Variants in HDAC9 observed in about 807,000 individuals in gnomAD.
HDAC9 encodes MEF-2 interacting transcription repressor (MITR) protein.
In HDAC9, 41 loss-of-function variants were observed where a neutral mutation model predicts 139.4. The ratio of observed to expected loss-of-function variants is 0.29; its 90% CI spans 0.23 to 0.38. The LOEUF is 0.38. HDAC9 is among the 10% of genes least tolerant of loss of function. The pLI is 1.00. For missense variants in HDAC9, 1,147 were observed against 1,297.0 expected (o/e 0.88, Z 1.78); for synonymous variants, 517 against 476.2 (o/e 1.09, Z -1.12).
chr7:18,579,122 A>G (rs1826967587), intron 2 of HDAC9, among the ~76,000 whole-genome samples: 1 of 152,246 alleles, frequency 6.6e-6, no homozygotes, highest in Non-Finnish European at 1.5e-5. Context: ...ACATGTTATC[A>G]TCATGATACA....
At chr7:18,805,726 G>A (rs953475584) in intron 17 of HDAC9, among the ~76,000 whole-genome samples, 1 of 152,186 alleles carries the variant, frequency 6.6e-6, no homozygotes, top group African/African-American at 2.4e-5. Context: ...ACCTGAGAGT[G>A]TTCCCATTCA....
chr7:18,281,018 G>A (rs1351999085), intron 2 of HDAC9, among the ~76,000 whole-genome samples: 3 of 152,112 alleles, frequency 2.0e-5, no homozygotes, highest in Admixed American at 1.3e-4. Flanking sequence ...TCCATTCCAG[G>A]CCTCTGTTTT....
chr7:18,764,459 A>G (rs1584996686), intron 15 of HDAC9, among the ~76,000 whole-genome samples: 1 of 152,200 alleles, frequency 6.6e-6, no homozygotes, highest in East Asian at 1.9e-4. Flanking sequence ...AGTCAACTGT[A>G]TCAACACTTC....
At chr7:18,277,292 G>A (rs915992909) in intron 2 of HDAC9, among the ~76,000 whole-genome samples, 3 of 152,132 alleles carry the variant, frequency 2.0e-5, no homozygotes, top group Admixed American at 6.5e-5. Flanking sequence ...GAGGACACTG[G>A]CCAAGTGGTC....
intron 1 of HDAC9, among the ~76,000 whole-genome samples, chr7:18,135,109 T>A (rs1394792630): frequency 6.6e-6 from 1 of 152,078 alleles, no homozygotes; most frequent in Non-Finnish European, 1.5e-5. Context: ...TTACATCTAT[T>A]TTCTCCTTAA....
chr7:18,123,379 G>A (rs1264163821), intron 1 of HDAC9, among the ~76,000 whole-genome samples: 5 of 152,134 alleles, frequency 3.3e-5, no homozygotes. Context: ...GCATTCAAAA[G>A]TTCATTTGGA....
At chr7:18,132,891 C>CT (rs5882647) in intron 1 of HDAC9, among the ~76,000 whole-genome samples, 68,424 of 151,944 alleles carry the variant, frequency 0.45, 18,277 homozygotes, top group African/African-American at 0.75. Context: ...AATAAAGTGA[C>CT]TTATTTTTTA....
intron 1 of HDAC9, among the ~76,000 whole-genome samples, chr7:18,297,882 G>A (rs530887981): frequency 2.0e-5 from 3 of 152,250 alleles, no homozygotes; most frequent in Admixed American, 6.5e-5. Flanking sequence ...TTGCAAAAAT[G>A]TTCTATGCTT....
At chr7:18,156,366 C>T (rs539987561) in intron 1 of HDAC9, among the ~76,000 whole-genome samples, 1 of 152,300 alleles carries the variant, frequency 6.6e-6, no homozygotes, top group African/African-American at 2.4e-5. Flanking sequence ...CATGAAGGCA[C>T]CCATCCCACC....
chr7:18,564,411 A>G (rs1821615129), intron 2 of HDAC9, among the ~76,000 whole-genome samples: 1 of 152,164 alleles, frequency 6.6e-6, no homozygotes, highest in South Asian at 2.1e-4. Context: ...TATTTCTATT[A>G]AGCTTCCAAG....
At chr7:18,386,153 A>G (rs906495917) in intron 1 of HDAC9, among the ~76,000 whole-genome samples, 12 of 152,120 alleles carry the variant, frequency 7.9e-5, no homozygotes, top group African/African-American at 2.9e-4. Context: ...GCTCTCCCCG[A>G]TCCCCAACTC....
intron 13 of HDAC9, among the ~76,000 whole-genome samples, chr7:18,739,698 C>G (rs1787267276): frequency 6.6e-6 from 1 of 152,208 alleles, no homozygotes; most frequent in South Asian, 2.1e-4. Context: ...TGGGAGATGT[C>G]TCCCAGTTTG....
chr7:18,623,957 A>G (rs1381920858), intron 6 of HDAC9, among the ~76,000 whole-genome samples: 1 of 152,086 alleles, frequency 6.6e-6, no homozygotes, highest in Non-Finnish European at 1.5e-5. Flanking sequence ...TAAAAAAAGC[A>G]TTGGGATGAG....
intron 2 of HDAC9, among the ~76,000 whole-genome samples, chr7:18,511,246 G>T (rs564189213): frequency 1.3e-5 from 2 of 152,120 alleles, no homozygotes; most frequent in African/African-American, 4.8e-5. Flanking sequence ...ACTGATACCC[G>T]TAGTACCCCT....
At chr7:18,371,287 G>C (rs568380432) in intron 1 of HDAC9, among the ~76,000 whole-genome samples, 1 of 152,160 alleles carries the variant, frequency 6.6e-6, no homozygotes, top group African/African-American at 2.4e-5. Context: ...ATTTTATTTT[G>C]TTTTGTTTTT....
chr7:18,376,107 A>G (rs1322025733), intron 1 of HDAC9, among the ~76,000 whole-genome samples: 1 of 152,070 alleles, frequency 6.6e-6, no homozygotes, highest in Non-Finnish European at 1.5e-5. Context: ...GCAGTTTGGT[A>G]ATGGGGAGGA....
intron 23 of HDAC9, among the ~76,000 whole-genome samples, chr7:18,940,902 A>G (rs752547947): frequency 2.6e-5 from 4 of 152,170 alleles, no homozygotes; most frequent in South Asian, 2.1e-4. Flanking sequence ...AGGAGAGGAC[A>G]TGTAGTAGTA....
chr7:18,698,758 G>A (rs549332604), intron 12 of HDAC9, among the ~76,000 whole-genome samples: 1 of 152,310 alleles, frequency 6.6e-6, no homozygotes, highest in Admixed American at 6.5e-5. Flanking sequence ...TCTGTAATAG[G>A]TGGATATTGC....
At chr7:18,931,152 T>A (rs1804705776) in intron 22 of HDAC9, among the ~76,000 whole-genome samples, 1 of 152,188 alleles carries the variant, frequency 6.6e-6, no homozygotes, top group Admixed American at 6.5e-5. Flanking sequence ...CCTTACCTAT[T>A]AGGTTTTTTA....
Sources: gnomAD v4.1 joint callset for allele counts (sites outside exome capture counted in the v4.1 genomes callset) on GRCh38, gnomAD v4.1.1 for gene constraint, MANE v1.5 for transcripts, NCBI Gene and HGNC (gene_info 2026-07-23, HGNC 2026-07-21) for gene names.